The following MEF2C variants were observed in gnomAD, a reference collection of about 807,000 sequenced individuals.
The protein encoded by MEF2C is myocyte enhancer factor 2C, also known as myocyte-specific enhancer factor 2C.
Under a neutral mutation model 50.5 loss-of-function variants are expected in MEF2C, and 6 were observed. The observed-to-expected ratio is 0.12, with a 90% CI of 0.07 to 0.23. The LOEUF (loss-of-function observed/expected upper bound fraction) is 0.23. MEF2C is among the 10% of genes least tolerant of loss of function. The pLI, the probability that MEF2C is intolerant of heterozygous loss-of-function variation, is 1.00. For missense variants in MEF2C, 276 were observed against 605.0 expected, an observed-to-expected ratio of 0.46 and a Z score of 5.70; for synonymous variants, 183 against 228.0, an observed-to-expected ratio of 0.80 and a Z score of 1.78.
At chr5:88,847,221 G>C (rs1010054474) in intron 1 of MEF2C, among the ~76,000 whole-genome samples, 1 of 152,162 alleles carries the variant, frequency 6.6e-6, no homozygotes, top group Non-Finnish European at 1.5e-5. Flanking sequence ...TCATATTTAT[G>C]TAGAGTAAAA....
intron 1 of MEF2C, among the ~76,000 whole-genome samples, chr5:88,880,318 T>C (rs970674904): frequency 1.3e-5 from 2 of 152,178 alleles, no homozygotes; most frequent in African/African-American, 4.8e-5. Context: ...ATTAATTGCA[T>C]ATTAAATTCT....
chr5:88,773,357 A>T (rs1419656711), intron 3 of MEF2C, among the ~76,000 whole-genome samples: 1 of 152,192 alleles, frequency 6.6e-6, no homozygotes, highest in Non-Finnish European at 1.5e-5. Context: ...CCTTAGCAAC[A>T]TCTGCCCCTC....
chr5:88,880,351 C>T (rs760475152), intron 1 of MEF2C, among the ~76,000 whole-genome samples: 10 of 152,038 alleles, frequency 6.6e-5, no homozygotes, highest in Non-Finnish European at 1.5e-4. Context: ...CGAATCATGT[C>T]CCCAAAGCCA....
intron 1 of MEF2C, among the ~76,000 whole-genome samples, chr5:88,859,627 C>T (rs774934847): frequency 4.6e-5 from 7 of 152,182 alleles, no homozygotes; most frequent in Non-Finnish European, 8.8e-5. Flanking sequence ...ACTGCTACAA[C>T]CTCATCCTAA....
intron 6 of MEF2C, chr5:88,736,929 T>C (rs1328041278): frequency 2.0e-6 from 2 of 985,192 alleles, no homozygotes; most frequent in Non-Finnish European, 2.4e-6. Context: ...AAGGATCAAC[T>C]AAAGTTCCAA....
rs2152039907 is a variant in MEF2C at position 88,722,582 on chromosome 5, A to C, written c.*22T>G. ...CACACACACTGCAAGAAAAAAAAAA[A>C]AACTAGTAAGTAATAATCTGATCAT... On this transcript the variant is annotated 3_prime_UTR_variant, in exon 11 of 11. Coordinates refer to ENST00000504921, the MANE Select transcript of MEF2C (RefSeq NM_002397.5). 2 of 1,583,660 alleles carry C rather than the reference A, an allele frequency of 1.3e-6. No individual in the cohort carries two copies. Among genetic ancestry groups the C allele is most frequent in the Non-Finnish European group, 8.6e-7 (1 of 1,164,406 alleles).
intron 1 of MEF2C, chr5:88,843,371 G>T: frequency 1.0e-6 from 1 of 985,110 alleles, no homozygotes; most frequent in Non-Finnish European, 1.2e-6. Context: ...ACCCTCAAAG[G>T]TGAACCAACA....
At chr5:88,753,781 G>T (rs573149600) in intron 4 of MEF2C, among the ~76,000 whole-genome samples, 2 of 152,188 alleles carry the variant, frequency 1.3e-5, no homozygotes, top group African/African-American at 4.8e-5. Context: ...ACAGTAAACA[G>T]GGGAAATAAT....
At chr5:88,847,828 G>A (rs903959875) in intron 1 of MEF2C, among the ~76,000 whole-genome samples, 4 of 152,024 alleles carry the variant, frequency 2.6e-5, no homozygotes, top group African/African-American at 7.2e-5. Flanking sequence ...TTTCATATGA[G>A]ACCACCATTT....
At chr5:88,742,594 T>C (rs1031320792) in intron 6 of MEF2C, 2 of 984,896 alleles carry the variant, frequency 2.0e-6, no homozygotes, top group Non-Finnish European at 2.4e-6. Flanking sequence ...AAACACTCTC[T>C]AGGAAGTTAT....
At chr5:88,773,905 C>T (rs553877512) in intron 3 of MEF2C, among the ~76,000 whole-genome samples, 1 of 152,340 alleles carries the variant, frequency 6.6e-6, no homozygotes, top group South Asian at 2.1e-4. Context: ...AGTGTTTTCA[C>T]TGTATTGGTT....
At chr5:88,833,648 T>C (rs1318308793) in intron 1 of MEF2C, among the ~76,000 whole-genome samples, 1 of 152,114 alleles carries the variant, frequency 6.6e-6, no homozygotes, top group Non-Finnish European at 1.5e-5. Context: ...TTAACATATG[T>C]TAGAAAAAGG....
At chr5:88,795,140 C>T (rs1339273392) in intron 3 of MEF2C, among the ~76,000 whole-genome samples, 3 of 151,948 alleles carry the variant, frequency 2.0e-5, no homozygotes, top group African/African-American at 7.2e-5. Flanking sequence ...TTTTTTGGTT[C>T]CATATGAAAT....
chr5:88,791,486 C>G (rs1483206858), intron 3 of MEF2C, among the ~76,000 whole-genome samples: 1 of 152,138 alleles, frequency 6.6e-6, no homozygotes, highest in East Asian at 1.9e-4. Context: ...CTAATGCTTG[C>G]AAACTATTAG....
intron 6 of MEF2C, chr5:88,732,902 C>A (rs1398699479): frequency 1.1e-5 from 2 of 185,578 alleles, no homozygotes; most frequent in East Asian, 1.9e-4. Flanking sequence ...GACAGTTAAA[C>A]CTCATTGTTA....
chr5:88,746,656 G>C (rs1316476952), intron 6 of MEF2C: 1 of 985,246 alleles, frequency 1.0e-6, no homozygotes, highest in Non-Finnish European at 1.2e-6. Flanking sequence ...CATTCTGGCT[G>C]GCCTTGTTTT....
chr5:88,726,655 T>TA (rs1429892053), intron 10 of MEF2C, among the ~76,000 whole-genome samples: 4 of 152,076 alleles, frequency 2.6e-5, no homozygotes, highest in Non-Finnish European at 4.4e-5. Context: ...ACAACGAAAT[T>TA]AAGTGTTGAA....
intron 2 of MEF2C, among the ~76,000 whole-genome samples, chr5:88,808,230 T>TAAA (rs1801358436): frequency 2.0e-5 from 3 of 152,176 alleles, no homozygotes; most frequent in Admixed American, 2.0e-4. Context: ...GCATTTTACT[T>TAAA]AGTGAAATAG....
intron 3 of MEF2C, among the ~76,000 whole-genome samples, chr5:88,764,577 AGGC>A (rs1779172680): frequency 4.4e-5 from 2 of 45,704 alleles, no homozygotes; most frequent in Admixed American, 2.0e-4. Context: ...TGGGAGGCCG[AGGC>A]AGGCCGATCA....
Sources: allele counts gnomAD v4.1 joint callset (sites outside exome capture counted in the v4.1 genomes callset), GRCh38; gene constraint gnomAD v4.1.1; transcripts MANE v1.5; gene names NCBI Gene and HGNC (gene_info 2026-07-23, HGNC 2026-07-21).